Variants in DRC9 observed in about 807,000 individuals in gnomAD.
DRC9 encodes dynein regulatory complex protein 9.
At chr3:197,937,985 A>G in the DRC9 span, among the ~76,000 whole-genome samples, 5 of 152,156 alleles carry the variant, frequency 3.3e-5, no homozygotes, top group East Asian at 9.7e-4. Flanking sequence ...AAAGAAAAAG[A>G]AAAAAATTTA....
chr3:197,927,298 C>A, the DRC9 span, among the ~76,000 whole-genome samples: 1 of 152,214 alleles, frequency 6.6e-6, no homozygotes, highest in Non-Finnish European at 1.5e-5. Flanking sequence ...ACGATCTCGA[C>A]TCATTGCAAC....
At chr3:197,890,183 C>T in the DRC9 span, among the ~76,000 whole-genome samples, 963 of 152,184 alleles carry the variant, frequency 6.3e-3, 3 homozygotes, top group Non-Finnish European at 0.01. Flanking sequence ...TCACTTTGAG[C>T]TCAAGGGTTT....
the DRC9 span, among the ~76,000 whole-genome samples, chr3:197,941,322 TCC>T: frequency 5.7e-5 from 6 of 105,732 alleles, no homozygotes; most frequent in South Asian, 3.9e-4. Flanking sequence ...CTTTCTTCCT[TCC>T]TTCCTCTCTC....
At chr3:197,943,960 C>A in the DRC9 span, 73 of 1,614,002 alleles carry the variant, frequency 4.5e-5, no homozygotes, top group Non-Finnish European at 6.2e-5. Flanking sequence ...ATTCCTTCTT[C>A]TTCTACGGTA....
At chr3:197,889,481 C>A in the DRC9 span, 4 of 1,365,230 alleles carry the variant, frequency 2.9e-6, no homozygotes, top group Non-Finnish European at 4.2e-6. Context: ...AGGAAACAAC[C>A]TGTAGATGAG....
At chr3:197,946,265 C>A in the DRC9 span, among the ~76,000 whole-genome samples, 37 of 151,882 alleles carry the variant, frequency 2.4e-4, no homozygotes, top group African/African-American at 8.5e-4. Context: ...GAAACCCCGT[C>A]TCTACTAAAA....
the DRC9 span, chr3:197,954,262 T>A: frequency 9.7e-7 from 1 of 1,027,418 alleles, no homozygotes; most frequent in Non-Finnish European, 1.5e-6. Context: ...TAAATTATGC[T>A]GCAAAATTTG....
chr3:197,890,124 G>A, the DRC9 span, among the ~76,000 whole-genome samples: 1 of 152,352 alleles, frequency 6.6e-6, no homozygotes, highest in South Asian at 2.1e-4. Flanking sequence ...GCCAGGTGCG[G>A]TGGCTCATGC....
the DRC9 span, chr3:197,953,959 A>T: frequency 6.2e-7 from 1 of 1,609,032 alleles, no homozygotes; most frequent in Non-Finnish European, 8.5e-7. Context: ...TTTGTATCCA[A>T]CTATATCAGC....
At chr3:197,898,191 C>T in the DRC9 span, among the ~76,000 whole-genome samples, 25 of 152,226 alleles carry the variant, frequency 1.6e-4, 2 homozygotes, top group South Asian at 5.0e-3. Flanking sequence ...TCTTCCCTCA[C>T]CTCCTCCAAG....
At chr3:197,893,473 T>C in the DRC9 span, among the ~76,000 whole-genome samples, 2 of 150,660 alleles carry the variant, frequency 1.3e-5, no homozygotes, top group Non-Finnish European at 2.9e-5. Flanking sequence ...GGATAAGGAA[T>C]AGCATCGGAT....
the DRC9 span, chr3:197,951,381 T>C: frequency 6.6e-7 from 1 of 1,519,158 alleles, no homozygotes; most frequent in Admixed American, 1.7e-5. Flanking sequence ...TATAACGGAG[T>C]CTTGCTCTGT....
the DRC9 span, chr3:197,951,563 G>A: frequency 2.2e-6 from 1 of 464,716 alleles, no homozygotes; most frequent in Admixed American, 3.4e-5. Flanking sequence ...ATGTTGGCCA[G>A]GCTGGTCCCA....
chr3:197,932,239 G>A, the DRC9 span: 19 of 1,613,182 alleles, frequency 1.2e-5, no homozygotes, highest in Non-Finnish European at 4.2e-6. Context: ...GCAGGAGACT[G>A]TTGTAAGTGG....
At chr3:197,902,089 A>G in the DRC9 span, among the ~76,000 whole-genome samples, 1 of 152,218 alleles carries the variant, frequency 6.6e-6, no homozygotes, top group Non-Finnish European at 1.5e-5. Context: ...GCAATCCAGA[A>G]AATTCTTCTG....
At chr3:197,952,319 G>A in the DRC9 span, among the ~76,000 whole-genome samples, 4 of 151,400 alleles carry the variant, frequency 2.6e-5, no homozygotes, top group Admixed American at 2.0e-4. Flanking sequence ...ACAGGCGGCC[G>A]CCACCATGCC....
At chr3:197,932,214 C>T in the DRC9 span, 1 of 1,613,526 alleles carries the variant, frequency 6.2e-7, no homozygotes, top group East Asian at 2.2e-5. Flanking sequence ...TTTTCCCTCT[C>T]TTTGCTCAAA....
the DRC9 span, chr3:197,954,208 G>C: frequency 6.3e-7 from 1 of 1,580,504 alleles, no homozygotes; most frequent in South Asian, 1.1e-5. Context: ...AAGGTGTTGT[G>C]CTTTGACTTC....
the DRC9 span, among the ~76,000 whole-genome samples, chr3:197,947,240 T>A: frequency 2.0e-5 from 3 of 152,360 alleles, no homozygotes; most frequent in Non-Finnish European, 2.9e-5. Context: ...TTTTAATTTT[T>A]AAATTTTTTT....
Sources: gnomAD v4.1 joint callset for allele counts (sites outside exome capture counted in the v4.1 genomes callset) on GRCh38, gnomAD v4.1.1 for gene constraint, MANE v1.5 for transcripts, NCBI Gene and HGNC (gene_info 2026-07-23, HGNC 2026-07-21) for gene names.